TXNDC8: variants seen among roughly 807,000 people sequenced by gnomAD.
TXNDC8 encodes the protein thioredoxin domain-containing protein 8.
TXNDC8 carries 15 observed loss-of-function variants against 12.9 expected under a neutral mutation model. The observed-to-expected ratio is 1.16, with a 90% confidence interval of 0.78 to 1.79. TXNDC8 has a LOEUF of 1.79. TXNDC8 is among the 40% of genes most tolerant of loss of function. The pLI is 0.00. For synonymous variants in TXNDC8, 40 were observed against 35.4 expected (o/e 1.13, Z -0.46); for missense variants, 128 against 113.2 (o/e 1.13, Z -0.59).
downstream of TXNDC8, among the ~76,000 whole-genome samples, chr9:110,301,903 G>T (rs2118663049): frequency 6.6e-6 from 1 of 152,206 alleles, no homozygotes; most frequent in Admixed American, 6.5e-5. Flanking sequence ...ATGCATATTT[G>T]TTCTCCTTTT....
At chr9:110,325,228 A>G (rs982399089) in intron 3 of TXNDC8, among the ~76,000 whole-genome samples, 2 of 152,206 alleles carry the variant, frequency 1.3e-5, no homozygotes, top group Non-Finnish European at 2.9e-5. Context: ...CACAGTAAGC[A>G]CTTAATGCCA....
At chr9:110,310,304 CT>C (rs1838616772) in intron 3 of TXNDC8, among the ~76,000 whole-genome samples, 1 of 152,202 alleles carries the variant, frequency 6.6e-6, no homozygotes, top group African/African-American at 2.4e-5. Context: ...TAATTTCCCT[CT>C]AGCACACCAG....
At chr9:110,337,087 A>G (rs1205503721) in intron 1 of TXNDC8, among the ~76,000 whole-genome samples, 1 of 152,208 alleles carries the variant, frequency 6.6e-6, no homozygotes, top group Non-Finnish European at 1.5e-5. Flanking sequence ...TGATCTGTAT[A>G]GCCACCTTTG....
chr9:110,317,009 C>G (rs1838908403), intron 3 of TXNDC8, among the ~76,000 whole-genome samples: 1 of 152,192 alleles, frequency 6.6e-6, no homozygotes, highest in Non-Finnish European at 1.5e-5. Flanking sequence ...TTCACCGACT[C>G]TTATTCTGTG....
At chr9:110,326,008 A>G (rs992019823) in intron 3 of TXNDC8, among the ~76,000 whole-genome samples, 167 bp downstream of exon 4, 4 of 152,210 alleles carry the variant, frequency 2.6e-5, no homozygotes, top group Middle Eastern at 6.3e-3. Flanking sequence ...AGTTGTATGT[A>G]AAGTTGTTGT....
chr9:110,332,807 C>A (rs1032318047), intron 2 of TXNDC8, among the ~76,000 whole-genome samples: 1 of 151,980 alleles, frequency 6.6e-6, no homozygotes, highest in African/African-American at 2.4e-5. Flanking sequence ...AAAACATGAA[C>A]CAATGTGTAT....
intron 3 of TXNDC8, among the ~76,000 whole-genome samples, chr9:110,310,350 G>T (rs1838618694): frequency 6.6e-6 from 1 of 152,032 alleles, no homozygotes; most frequent in South Asian, 2.1e-4. Flanking sequence ...TGTAAATTTT[G>T]CTGCTTTTCA....
intron 3 of TXNDC8, among the ~76,000 whole-genome samples, chr9:110,307,104 CT>C (rs60578345): frequency 0.04 from 5,656 of 142,478 alleles, 307 homozygotes; most frequent in African/African-American, 0.13. Context: ...AATACACTGG[CT>C]TTTTTTTTTT....
At chr9:110,317,919 C>T (rs77194777) in intron 3 of TXNDC8, among the ~76,000 whole-genome samples, 285 of 152,340 alleles carry the variant, frequency 1.9e-3, no homozygotes, top group Non-Finnish European at 3.6e-3. Flanking sequence ...TGGTGATTGA[C>T]GGACTTTGTT....
chr9:110,321,465 T>C (rs550153210), intron 3 of TXNDC8, among the ~76,000 whole-genome samples: 1 of 152,290 alleles, frequency 6.6e-6, no homozygotes, highest in Admixed American at 6.5e-5. Flanking sequence ...AAGTGGCTCT[T>C]TGCCAGATGT....
intron 2 of TXNDC8, among the ~76,000 whole-genome samples, chr9:110,326,654 C>T (rs1004261370): frequency 4.1e-5 from 6 of 146,910 alleles, no homozygotes; most frequent in South Asian, 2.1e-4. Flanking sequence ...CTACTTGAGA[C>T]GTGGAACGCA....
rs113464102 is a variant in TXNDC8, at chr9:110,322,825, T to G, written c.195+3350A>C. 4.6e-5 allele frequency: 45 copies of G among 985,466 alleles called. 1 individual carries two copies. In the African/African-American group the frequency reaches 6.3e-4, roughly 14 times the overall value. 61.0% of individuals were successfully genotyped at this position (985,466 alleles called of 1,614,324 possible). ...AAAACAGAAGCATTCATTCATTCAT[T>G]CATGCACTCACTCATTCATCACACA... On this transcript the variant is annotated intron_variant, in intron 3 of 4. Transcript: ENST00000423740.
intron 3 of TXNDC8, among the ~76,000 whole-genome samples, chr9:110,324,664 G>T (rs2118825843): frequency 6.6e-6 from 1 of 150,920 alleles, no homozygotes; most frequent in African/African-American, 2.4e-5. Flanking sequence ...ATATGAAACT[G>T]TTTTTTTTTC....
chr9:110,330,441 C>T (rs1469519116), intron 2 of TXNDC8, among the ~76,000 whole-genome samples: 2 of 152,190 alleles, frequency 1.3e-5, no homozygotes, highest in Admixed American at 1.3e-4. Flanking sequence ...ACACAAGATC[C>T]TACTTGATCT....
At chr9:110,329,548 G>A (rs1839472708) in intron 2 of TXNDC8, among the ~76,000 whole-genome samples, 1 of 152,156 alleles carries the variant, frequency 6.6e-6, no homozygotes, top group Non-Finnish European at 1.5e-5. Flanking sequence ...TTTCAAGGTT[G>A]GCAAAGACAT....
chr9:110,335,446 T>A (rs1358245575), intron 1 of TXNDC8, among the ~76,000 whole-genome samples: 7 of 152,300 alleles, frequency 4.6e-5, no homozygotes, highest in Non-Finnish European at 5.9e-5. Flanking sequence ...TACATAGTAC[T>A]CTGTTCAAGA....
intron 3 of TXNDC8, among the ~76,000 whole-genome samples, chr9:110,316,879 A>C (rs985087829): frequency 2.6e-5 from 4 of 152,178 alleles, no homozygotes; most frequent in South Asian, 4.1e-4. Context: ...CAACTACTCA[A>C]ATTTGCTGTT....
chr9:110,307,957 A>G (rs1463558896), intron 3 of TXNDC8, among the ~76,000 whole-genome samples: 1 of 152,210 alleles, frequency 6.6e-6, no homozygotes, highest in Non-Finnish European at 1.5e-5. Flanking sequence ...CAACCTTGGC[A>G]AAATAAACTT....
intron 3 of TXNDC8, 69 bp from the exon 5 acceptor site, chr9:110,304,601 G>A (rs1260928398): frequency 2.1e-6 from 3 of 1,410,680 alleles, no homozygotes; most frequent in Non-Finnish European, 2.9e-6. Context: ...CCCTATAACT[G>A]GTTCTTTTGG....
Sources: gnomAD v4.1 joint callset for allele counts (sites outside exome capture counted in the v4.1 genomes callset) on GRCh38, gnomAD v4.1.1 for gene constraint, MANE v1.5 for transcripts, NCBI Gene and HGNC (gene_info 2026-07-23, HGNC 2026-07-21) for gene names.